The following CFDP1 variants were observed in gnomAD, a reference collection of about 807,000 sequenced individuals.
CFDP1 encodes chromatin remodeling protein CFDP1.
CFDP1 carries 31 observed loss-of-function variants against 40.1 expected under a neutral mutation model. The ratio of observed to expected loss-of-function variants is 0.77; its 90% CI spans 0.58 to 1.04. The LOEUF (loss-of-function observed/expected upper bound fraction) is 1.04, where lower values mean the gene tolerates loss of function less well. Among genes scored for constraint, CFDP1 ranks in the 50% least tolerant of loss-of-function variants. The pLI is 0.00. For synonymous variants in CFDP1, 167 were observed against 120.0 expected (o/e 1.39, Z -2.56); for missense variants, 423 against 343.4 (o/e 1.23, Z -1.83).
In CFDP1 at chr16:75,309,706, G is replaced by C. The variant is rs370535301; in HGVS notation, c.651-4524C>G. On this transcript the variant is annotated intron_variant, in intron 5 of 6. Transcript: ENST00000283882. ...GTGGTGGCAGGCGCCTGTAGTCCCA[G>C]TTACTTGGGAGGCTGAGGCAGGAGA... Among the ~76,000 whole-genome samples the C allele has an allele frequency of 2.0e-5, 3 of 148,098 alleles. No homozygotes were observed. In the East Asian group the frequency reaches 6.1e-4, roughly 30 times the overall value.
At position 75,295,908 on chromosome 16, in the gene CFDP1, G is replaced by A. The variant is rs558069502; in HGVS notation, c.810-1866C>T. 7.9e-5 allele frequency among the ~76,000 whole-genome samples: 12 copies of A among 152,256 alleles called. No individual in the cohort carries two copies. In the East Asian group the frequency reaches 1.7e-3, roughly 22 times the overall value. ...CTTCCCACCTCCCACTAAGAGACCC[G>A]TGATTCTTGAGTGGGGGCTGCTAAC... On this transcript the variant is annotated intron_variant, in intron 6 of 6. Coordinates refer to ENST00000283882, the MANE Select transcript of CFDP1 (RefSeq NM_006324.3).
At chr16:75,429,425 G>A (rs1046863170) in intron 1 of CFDP1, among the ~76,000 whole-genome samples, 2 of 152,156 alleles carry the variant, frequency 1.3e-5, no homozygotes, top group Admixed American at 6.5e-5. Flanking sequence ...AGGCTGAGGA[G>A]GGCGGATCAC....
chr16:75,378,899 G>A (rs1011171756), intron 5 of CFDP1, among the ~76,000 whole-genome samples: 8 of 152,030 alleles, frequency 5.3e-5, no homozygotes, highest in Admixed American at 4.6e-4. Context: ...CAAAGAATGT[G>A]TTCACCAGCA....
intron 5 of CFDP1, among the ~76,000 whole-genome samples, chr16:75,307,126 A>G (rs2078264182): frequency 1.3e-5 from 2 of 152,124 alleles, no homozygotes; most frequent in African/African-American, 4.8e-5. Context: ...GTATCTAGTG[A>G]CATGCTGTAA....
chr16:75,326,387 C>T (rs1409069064), intron 5 of CFDP1, among the ~76,000 whole-genome samples: 1 of 152,206 alleles, frequency 6.6e-6, no homozygotes, highest in East Asian at 1.9e-4. Flanking sequence ...ACTCAATACT[C>T]AGTCAACTGA....
chr16:75,348,866 T>C (rs1322393069), intron 5 of CFDP1, among the ~76,000 whole-genome samples: 1 of 152,178 alleles, frequency 6.6e-6, no homozygotes, highest in South Asian at 2.1e-4. Context: ...ACTGTCTCCA[T>C]TTAATTTTTG....
At chr16:75,360,355 A>C (rs1187223244) in intron 5 of CFDP1, among the ~76,000 whole-genome samples, 1 of 152,242 alleles carries the variant, frequency 6.6e-6, no homozygotes, top group Non-Finnish European at 1.5e-5. Flanking sequence ...TTAGTGTCAA[A>C]AGGACAAAGG....
At chr16:75,294,814 C>A (rs2078170753) in intron 6 of CFDP1, among the ~76,000 whole-genome samples, 1 of 152,118 alleles carries the variant, frequency 6.6e-6, no homozygotes, top group South Asian at 2.1e-4. Context: ...ACACTCTGCT[C>A]CCTAATCTGG....
rs1308443038 is a variant in CFDP1 at position 75,298,553 on chromosome 16, TG to T, written c.810-4512del. Among the ~76,000 whole-genome samples, 4 of 152,272 alleles carry T rather than the reference TG, an allele frequency of 2.6e-5. No homozygotes were observed. In the East Asian group the frequency reaches 7.7e-4, roughly 29 times the overall value. ...GGCAGCACAGACACAGGACAAAAAG[TG>T]GGTAAATGCATTTTCCAACACCACA... On this transcript the variant is annotated intron_variant, in intron 6 of 6. Coordinates refer to ENST00000283882, the MANE Select transcript of CFDP1 (RefSeq NM_006324.3).
intron 1 of CFDP1, among the ~76,000 whole-genome samples, chr16:75,419,442 G>A (rs1356768803): frequency 6.6e-6 from 1 of 152,152 alleles, no homozygotes; most frequent in Non-Finnish European, 1.5e-5. Context: ...GAATTAGAAA[G>A]ACATCACTTC....
intron 5 of CFDP1, among the ~76,000 whole-genome samples, chr16:75,370,858 T>A (rs966334595): frequency 6.6e-6 from 1 of 152,112 alleles, no homozygotes; most frequent in African/African-American, 2.4e-5. Flanking sequence ...CAAGACTGTC[T>A]CAAAAATTTA....
intron 5 of CFDP1, among the ~76,000 whole-genome samples, chr16:75,347,188 CA>C (rs1401631025): frequency 6.6e-6 from 1 of 150,584 alleles, no homozygotes; most frequent in Non-Finnish European, 1.5e-5. Context: ...ACTAAAAGTA[CA>C]AAAAGTCAGC....
At chr16:75,433,142 T>A in intron 1 of CFDP1, 147 bp downstream of exon 1, 1 of 709,132 alleles carries the variant, frequency 1.4e-6, no homozygotes, top group South Asian at 1.8e-5. Context: ...CGGCCGAGGA[T>A]GAGGGGCCTG....
chr16:75,351,617 T>C (rs932738577), intron 5 of CFDP1, among the ~76,000 whole-genome samples: 2 of 152,084 alleles, frequency 1.3e-5, no homozygotes, highest in African/African-American at 4.8e-5. Context: ...AAAATACAAA[T>C]TAGTTACTAT....
At chr16:75,432,370 TAAAAAAAA>T (rs55961935) in intron 1 of CFDP1, among the ~76,000 whole-genome samples, 15 of 105,576 alleles carry the variant, frequency 1.4e-4, no homozygotes, top group South Asian at 3.4e-4. Flanking sequence ...ATGCCATTTC[TAAAAAAAA>T]AAAAAAAAAA....
chr16:75,353,194 C>T (rs1348092591), intron 5 of CFDP1, among the ~76,000 whole-genome samples: 1 of 152,098 alleles, frequency 6.6e-6, no homozygotes, highest in Non-Finnish European at 1.5e-5. Context: ...TTACTGGATC[C>T]AAACAAACTG....
intron 5 of CFDP1, among the ~76,000 whole-genome samples, chr16:75,310,097 A>G (rs1395872641): frequency 6.6e-6 from 1 of 152,190 alleles, no homozygotes; most frequent in Non-Finnish European, 1.5e-5. Context: ...AGATGTTTCC[A>G]ATGTCACAAT....
intron 5 of CFDP1, among the ~76,000 whole-genome samples, chr16:75,375,978 T>C (rs917541512): frequency 6.6e-6 from 1 of 152,140 alleles, no homozygotes; most frequent in African/African-American, 2.4e-5. Context: ...TTTGGGAGGC[T>C]GCAGCAGGAG....
rs148232094 is a variant in CFDP1, at chr16:75,395,207, A to T, written c.533T>A (p.Val178Glu). 6.8e-6 allele frequency: 11 copies of T among 1,613,114 alleles called. No homozygotes were observed. The highest frequency in any genetic ancestry group is 1.7e-4 in the Middle Eastern group (1 of 6,060). The stretch of plus-strand genomic sequence containing the variant: ...AGATGTAGCATCCACTTCCTTAGTT[A>T]CCCTGTGCCAAGGAAAAAGACATCA... ...VFDFAGEEVR[V>E]TKEVDATSKE... The change falls in exon 5 of 7, where the codon GTA becomes GAA. Residue 178 changes from valine (V) to glutamate (E), a missense_variant and splice_region_variant. Transcript: ENST00000283882.
Sources: allele counts gnomAD v4.1 joint callset (sites outside exome capture counted in the v4.1 genomes callset), GRCh38; gene constraint gnomAD v4.1.1; transcripts MANE v1.5; gene names NCBI Gene and HGNC (gene_info 2026-07-23, HGNC 2026-07-21).